The following ETNK1 variants were observed in gnomAD, a reference collection of about 807,000 sequenced individuals.
The protein encoded by ETNK1 is ethanolamine kinase 1, also known as putative protein product of Nbla10396.
ETNK1 carries 8 observed loss-of-function variants against 45.1 expected under a neutral mutation model. That is an observed-to-expected ratio of 0.18 (90% CI 0.10 to 0.32). ETNK1 has a LOEUF of 0.32. Among genes scored for constraint, ETNK1 ranks in the 10% least tolerant of loss-of-function variants. The probability of loss-of-function intolerance (pLI) is 1.00; values close to 1 mark genes in which losing one functional copy is unlikely to be tolerated. For missense variants in ETNK1, 302 were observed against 430.6 expected (o/e 0.70, Z 2.64); for synonymous variants, 152 against 151.9 (o/e 1.00, Z -0.01).
intron 2 of ETNK1, among the ~76,000 whole-genome samples, chr12:22,647,779 AGT>A (rs1273794595): frequency 6.6e-6 from 1 of 151,970 alleles, no homozygotes; most frequent in East Asian, 1.9e-4. Flanking sequence ...TTTCAAGAGA[AGT>A]AACAATTAGT....
At chr12:22,669,495 A>G (rs995216587) in intron 4 of ETNK1, among the ~76,000 whole-genome samples, 2 of 151,670 alleles carry the variant, frequency 1.3e-5, no homozygotes, top group Non-Finnish European at 2.9e-5. Flanking sequence ...CCTTTTCATG[A>G]CATTTGTAAT....
intron 3 of ETNK1, among the ~76,000 whole-genome samples, chr12:22,659,832 A>G (rs10842046): frequency 0.55 from 83,623 of 151,840 alleles, 24,128 homozygotes; most frequent in East Asian, 0.79. Context: ...CTTGAGGTTA[A>G]TGATTCTTTG....
intron 1 of ETNK1, among the ~76,000 whole-genome samples, chr12:22,626,726 G>A (rs1320768660): frequency 6.6e-6 from 1 of 152,114 alleles, no homozygotes; most frequent in Non-Finnish European, 1.5e-5. Flanking sequence ...TTATTTTAAA[G>A]GACCCGTATG....
intron 1 of ETNK1, among the ~76,000 whole-genome samples, chr12:22,636,017 A>G (rs998350454): frequency 2.0e-5 from 3 of 152,092 alleles, no homozygotes; most frequent in Admixed American, 6.6e-5. Context: ...AAAAAATGCA[A>G]AAAGTTAGTG....
intron 6 of ETNK1, among the ~76,000 whole-genome samples, chr12:22,681,684 G>C (rs1954217284): frequency 1.3e-5 from 2 of 151,710 alleles, no homozygotes; most frequent in South Asian, 4.2e-4. Flanking sequence ...GCCATAAATA[G>C]AATACTATTT....
At chr12:22,655,896 C>T (rs748214756) in intron 2 of ETNK1, among the ~76,000 whole-genome samples, 10 of 152,082 alleles carry the variant, frequency 6.6e-5, no homozygotes, top group Non-Finnish European at 1.2e-4. Context: ...CAATGAAAAC[C>T]CAACTAATTT....
intron 6 of ETNK1, among the ~76,000 whole-genome samples, chr12:22,680,793 C>T (rs1013581042): frequency 6.7e-6 from 1 of 149,346 alleles, no homozygotes; most frequent in African/African-American, 2.5e-5. Context: ...TTTCACTTGT[C>T]ATTGATTGTT....
At chr12:22,631,240 T>C (rs1191956092) in intron 1 of ETNK1, among the ~76,000 whole-genome samples, 1 of 151,760 alleles carries the variant, frequency 6.6e-6, no homozygotes, top group Non-Finnish European at 1.5e-5. Context: ...AATGGCGTGA[T>C]CTCGGCTCAC....
At chr12:22,653,540 A>G (rs1251299373) in intron 2 of ETNK1, among the ~76,000 whole-genome samples, 1 of 151,858 alleles carries the variant, frequency 6.6e-6, no homozygotes, top group Non-Finnish European at 1.5e-5. Flanking sequence ...GCAGTGTTTT[A>G]TTATTTTCAG....
chr12:22,645,442 T>C (rs1953795421), intron 2 of ETNK1, among the ~76,000 whole-genome samples: 1 of 151,862 alleles, frequency 6.6e-6, no homozygotes, highest in Non-Finnish European at 1.5e-5. Context: ...CTTTGGTATT[T>C]GATACAATGT....
chr12:22,680,000 G>A (rs1268853782), intron 6 of ETNK1, among the ~76,000 whole-genome samples: 1 of 135,298 alleles, frequency 7.4e-6, no homozygotes, highest in Non-Finnish European at 1.7e-5. Flanking sequence ...CCATATTCTT[G>A]AAGGGTGGAG....
At chr12:22,656,791 C>A (rs1036686306) in intron 2 of ETNK1, 5 of 982,208 alleles carry the variant, frequency 5.1e-6, no homozygotes, top group Admixed American at 6.2e-5. Context: ...TTTAAAAAAA[C>A]CACAGCAAAT....
chr12:22,662,764 T>C (rs918809095), intron 4 of ETNK1, among the ~76,000 whole-genome samples: 1 of 152,206 alleles, frequency 6.6e-6, no homozygotes, highest in Admixed American at 6.5e-5. Flanking sequence ...AATTGTGCTG[T>C]TGTAAATATA....
At chr12:22,675,986 AGCC>A (rs1205607716) in intron 6 of ETNK1, among the ~76,000 whole-genome samples, 12 of 152,156 alleles carry the variant, frequency 7.9e-5, no homozygotes, top group Non-Finnish European at 8.8e-5. Context: ...AAACATTAAA[AGCC>A]CGTTATTTAT....
intron 5 of ETNK1, among the ~76,000 whole-genome samples, chr12:22,672,984 A>T (rs1954124356): frequency 6.6e-6 from 1 of 152,188 alleles, no homozygotes. Context: ...TGTGAAATGT[A>T]GTATCAGCTG....
intron 3 of ETNK1, among the ~76,000 whole-genome samples, chr12:22,660,132 GA>G (rs1953985128): frequency 6.6e-6 from 1 of 150,758 alleles, no homozygotes; most frequent in Non-Finnish European, 1.5e-5. Flanking sequence ...ATGTAGAGAA[GA>G]ATACAGTAGT....
intron 1 of ETNK1, among the ~76,000 whole-genome samples, chr12:22,637,213 G>T (rs961429465): frequency 1.3e-5 from 2 of 152,180 alleles, no homozygotes; most frequent in Admixed American, 6.5e-5. Context: ...TTAAGCCGGG[G>T]CAGTCATAGA....
chr12:22,661,764 T>C (rs1954001579), intron 4 of ETNK1, among the ~76,000 whole-genome samples: 1 of 152,180 alleles, frequency 6.6e-6, no homozygotes, highest in Admixed American at 6.6e-5. Context: ...ACTAAAGTAA[T>C]CAAGAAACCT....
At chr12:22,671,905 G>A (rs1478523793) in intron 5 of ETNK1, among the ~76,000 whole-genome samples, 1 of 148,330 alleles carries the variant, frequency 6.7e-6, no homozygotes, top group Non-Finnish European at 1.5e-5. Flanking sequence ...CTTCTGTTGA[G>A]ATCAGACATA....
Sources: gnomAD v4.1 joint callset for allele counts (sites outside exome capture counted in the v4.1 genomes callset) on GRCh38, gnomAD v4.1.1 for gene constraint, MANE v1.5 for transcripts, NCBI Gene and HGNC (gene_info 2026-07-23, HGNC 2026-07-21) for gene names.